Variants in ARHGAP23 observed in about 807,000 individuals in gnomAD.
The protein encoded by ARHGAP23 is rho GTPase-activating protein 23.
In ARHGAP23, 34 loss-of-function variants were observed where a neutral mutation model predicts 136.3. The ratio of observed to expected loss-of-function variants is 0.25; its 90% CI spans 0.19 to 0.33. The LOEUF is 0.33. Among genes scored for constraint, ARHGAP23 ranks in the 10% least tolerant of loss-of-function variants. The pLI is 1.00. For synonymous variants in ARHGAP23, 832 were observed against 920.5 expected (o/e 0.90, Z 1.74); for missense variants, 1,808 against 2,139.0 (o/e 0.85, Z 3.05).
At chr17:38,484,691 G>A (rs2040122322) in intron 16 of ARHGAP23, among the ~76,000 whole-genome samples, 1 of 152,136 alleles carries the variant, frequency 6.6e-6, no homozygotes, top group Non-Finnish European at 1.5e-5. Flanking sequence ...GCCGCACTGG[G>A]TGTGTGTGAG....
chr17:38,423,713 C>T (rs1182874722), upstream of ARHGAP23, among the ~76,000 whole-genome samples: 1 of 151,896 alleles, frequency 6.6e-6, no homozygotes, highest in Non-Finnish European at 1.5e-5. Context: ...GCCCCTCTCG[C>T]TTTGGAGATA....
intron 23 of ARHGAP23, among the ~76,000 whole-genome samples, chr17:38,506,369 C>T (rs2040634606): frequency 6.6e-6 from 1 of 152,164 alleles, no homozygotes; most frequent in Non-Finnish European, 1.5e-5. Flanking sequence ...GAGACAGAAC[C>T]CGTTAGGAGA....
chr17:38,444,975 G>A (rs548355559), intron 1 of ARHGAP23, among the ~76,000 whole-genome samples: 148 of 151,904 alleles, frequency 9.7e-4, no homozygotes, highest in Non-Finnish European at 1.9e-3. Flanking sequence ...CTGACATCAC[G>A]CCCAGCTAAT....
intron 16 of ARHGAP23, among the ~76,000 whole-genome samples, chr17:38,483,600 C>T (rs952278806): frequency 6.6e-6 from 1 of 152,246 alleles, no homozygotes; most frequent in Non-Finnish European, 1.5e-5. Context: ...TGAACGTGGG[C>T]AGTGATGTCC....
At chr17:38,430,000 C>T (rs988065163) in intron 1 of ARHGAP23, among the ~76,000 whole-genome samples, 31 of 152,136 alleles carry the variant, frequency 2.0e-4, no homozygotes, top group African/African-American at 7.2e-4. Flanking sequence ...CAAAGGCCCC[C>T]GGCCCCAGCG....
At chr17:38,473,847 G>A (rs1391909511) in intron 11 of ARHGAP23, among the ~76,000 whole-genome samples, 2 of 152,194 alleles carry the variant, frequency 1.3e-5, no homozygotes, top group African/African-American at 4.8e-5. Flanking sequence ...AGATGAGCTG[G>A]GGAATTGGGT....
At chr17:38,472,662 C>T (rs2039790368) in intron 11 of ARHGAP23, among the ~76,000 whole-genome samples, 1 of 152,056 alleles carries the variant, frequency 6.6e-6, no homozygotes, top group African/African-American at 2.4e-5. Flanking sequence ...AAATCCTGGC[C>T]CCAGGCTGCG....
intron 13 of ARHGAP23, 30 bp downstream of exon 13, chr17:38,479,527 C>T: frequency 6.5e-7 from 1 of 1,542,752 alleles, no homozygotes; most frequent in Non-Finnish European, 8.8e-7. Flanking sequence ...GAGCAGTCTC[C>T]TCTGTGGGGG....
intron 16 of ARHGAP23, among the ~76,000 whole-genome samples, chr17:38,483,433 A>C (rs1207798103): frequency 2.0e-5 from 3 of 152,202 alleles, no homozygotes; most frequent in African/African-American, 7.2e-5. Flanking sequence ...CCAGAGTCCT[A>C]GGGTTCCCCA....
chr17:38,509,531 G>T (rs893152641), intron 23 of ARHGAP23, among the ~76,000 whole-genome samples: 1 of 152,154 alleles, frequency 6.6e-6, no homozygotes, highest in Non-Finnish European at 1.5e-5. Context: ...CCCTGGCGGG[G>T]ATTTGGGGAT....
chr17:38,423,812 A>G (rs1189027741), upstream of ARHGAP23, among the ~76,000 whole-genome samples: 1 of 152,140 alleles, frequency 6.6e-6, no homozygotes. Flanking sequence ...TGTCCCCTTT[A>G]GTCCTGCCCT....
chr17:38,497,364 C>T (rs1286920568), intron 20 of ARHGAP23, among the ~76,000 whole-genome samples: 9 of 152,216 alleles, frequency 5.9e-5, no homozygotes, highest in South Asian at 2.1e-4. Context: ...GGGGCACACT[C>T]GGCTGTCACA....
At chr17:38,474,071 C>T (rs1202328761) in intron 11 of ARHGAP23, among the ~76,000 whole-genome samples, 1 of 152,206 alleles carries the variant, frequency 6.6e-6, no homozygotes, top group Non-Finnish European at 1.5e-5. Context: ...CAGGCGCCTG[C>T]TACCACACCC....
At chr17:38,447,694 T>A (rs1294133180) in intron 1 of ARHGAP23, among the ~76,000 whole-genome samples, 3 of 152,176 alleles carry the variant, frequency 2.0e-5, no homozygotes, top group Non-Finnish European at 4.4e-5. Flanking sequence ...CACAGTCTGA[T>A]GGAGGAGGCA....
Position 38,510,624 on chromosome 17 carries a change from C to T in ARHGAP23, c.4128C>T (p.Leu1376=), listed in dbSNP as rs1430175243. Residue 1376 remains leucine, a synonymous_variant, in exon 24 of 24, where the codon CTC becomes CTT. Coordinates refer to ENST00000622683, the MANE Select transcript of ARHGAP23 (RefSeq NM_001199417.2). This position sits in a 1 kb window ranked among gnomAD's most constrained non-coding sequence, Gnocchi z 4.6. Reference sequence around the variant, plus strand: ...GCATGGAGGCGCTGCGTCTAAGGCTCCGCGGCACGGCGGACGACATGCTCG... The same window carrying T: ...GCATGGAGGCGCTGCGTCTAAGGCTTCGCGGCACGGCGGACGACATGCTCG... ...PSRMEALRLR[L]RGTADDMLAV... 2 of 1,347,232 alleles carry T rather than the reference C, an allele frequency of 1.5e-6. No individual in the cohort carries two copies. The highest frequency in any genetic ancestry group is 1.9e-5 in the South Asian group (1 of 53,584). 83.5% of individuals were successfully genotyped at this position (1,347,232 alleles called of 1,614,324 possible).
chr17:38,455,001 C>CAACT (rs1463900423), intron 1 of ARHGAP23, among the ~76,000 whole-genome samples: 3 of 152,206 alleles, frequency 2.0e-5, no homozygotes, highest in Non-Finnish European at 4.4e-5. Flanking sequence ...GTCCCCTGAG[C>CAACT]AACTCCCTCT....
chr17:38,464,111 T>A (rs2039525583), intron 6 of ARHGAP23, among the ~76,000 whole-genome samples: 1 of 152,034 alleles, frequency 6.6e-6, no homozygotes, highest in Non-Finnish European at 1.5e-5. Context: ...ACATGTATGC[T>A]CGCAAACACC....
intron 11 of ARHGAP23, among the ~76,000 whole-genome samples, chr17:38,473,849 G>A (rs1048741999): frequency 6.6e-6 from 1 of 152,170 alleles, no homozygotes; most frequent in Non-Finnish European, 1.5e-5. Flanking sequence ...ATGAGCTGGG[G>A]AATTGGGTGC....
intron 1 of ARHGAP23, chr17:38,453,681 G>T (rs1191068791): frequency 6.6e-6 from 1 of 150,488 alleles, no homozygotes; most frequent in Non-Finnish European, 1.5e-5. Context: ...GGCGTGTCGG[G>T]GCTCGGGCGC....
Sources: allele counts gnomAD v4.1 joint callset (sites outside exome capture counted in the v4.1 genomes callset), GRCh38; gene constraint gnomAD v4.1.1; non-coding constraint Gnocchi (gnomAD v3.1); transcripts MANE v1.5; gene names NCBI Gene and HGNC (gene_info 2026-07-23, HGNC 2026-07-21).